SNX8: variants seen among roughly 807,000 people sequenced by gnomAD.
SNX8 encodes sorting nexin-8.
Under a neutral mutation model 51.6 loss-of-function variants are expected in SNX8, and 25 were observed. That is an observed-to-expected ratio of 0.48 (90% CI 0.35 to 0.68). The LOEUF is 0.68. SNX8 is among the 30% of genes least tolerant of loss of function. SNX8 has a pLI of 0.00. For synonymous variants in SNX8, 324 were observed against 277.0 expected, an observed-to-expected ratio of 1.17 and a Z score of -1.68; for missense variants, 695 against 624.0, an observed-to-expected ratio of 1.11 and a Z score of -1.21.
chr7:2,265,290 C>T (rs1795438129), intron 5 of SNX8, among the ~76,000 whole-genome samples: 1 of 151,964 alleles, frequency 6.6e-6, no homozygotes, highest in South Asian at 2.1e-4. Flanking sequence ...CAGTGAGCTG[C>T]GATCACACCA....
At chr7:2,332,296 C>T (rs1023229469) in intron 1 of SNX8, among the ~76,000 whole-genome samples, 1 of 151,434 alleles carries the variant, frequency 6.6e-6, no homozygotes, top group African/African-American at 2.4e-5. Flanking sequence ...CTAAAGATGA[C>T]AGATATTTAC....
At chr7:2,287,883 C>G (rs949963481) in intron 1 of SNX8, 1 of 151,358 alleles carries the variant, frequency 6.6e-6, no homozygotes, top group Non-Finnish European at 1.5e-5. Context: ...GCACTCCTGC[C>G]TGGGCGAGCA....
chr7:2,303,038 C>A (rs1796442721), intron 1 of SNX8, among the ~76,000 whole-genome samples: 1 of 151,478 alleles, frequency 6.6e-6, no homozygotes, highest in African/African-American at 2.4e-5. Context: ...AGGCCAGCCG[C>A]CCCGTCCAGG....
chr7:2,346,059 A>G (rs1045797275), intron 1 of SNX8, among the ~76,000 whole-genome samples: 1 of 152,100 alleles, frequency 6.6e-6, no homozygotes, highest in East Asian at 1.9e-4. Context: ...CTGCCTGCTC[A>G]GCCTCCCAAA....
chr7:2,284,084 C>G (rs565939395), intron 1 of SNX8, among the ~76,000 whole-genome samples: 1 of 152,164 alleles, frequency 6.6e-6, no homozygotes, highest in Admixed American at 6.6e-5. Flanking sequence ...CACCCGCCAC[C>G]ACGCCCGGCT....
chr7:2,352,042 A>G (rs902839928), intron 1 of SNX8, among the ~76,000 whole-genome samples: 6 of 150,494 alleles, frequency 4.0e-5, no homozygotes, highest in Non-Finnish European at 8.9e-5. Context: ...TGAGTAGCTG[A>G]GATTACAGGC....
At chr7:2,308,916 A>G (rs1796606753) in intron 1 of SNX8, among the ~76,000 whole-genome samples, 1 of 151,276 alleles carries the variant, frequency 6.6e-6, no homozygotes, top group African/African-American at 2.4e-5. Flanking sequence ...CAGCCTCCCG[A>G]GTAGCTGGGA....
intron 1 of SNX8, among the ~76,000 whole-genome samples, chr7:2,297,031 T>C (rs1010360891): frequency 3.9e-5 from 6 of 151,936 alleles, no homozygotes; most frequent in South Asian, 2.1e-4. Context: ...CACAATGAGA[T>C]AGTATCTTAC....
chr7:2,265,235 G>T (rs1795437111), intron 5 of SNX8, among the ~76,000 whole-genome samples: 1 of 152,194 alleles, frequency 6.6e-6, no homozygotes, highest in African/African-American at 2.4e-5. Context: ...AGCTACTTGG[G>T]AGGCTGAGGC....
At chr7:2,324,870 A>C (rs1480850558) in intron 1 of SNX8, among the ~76,000 whole-genome samples, 1 of 152,120 alleles carries the variant, frequency 6.6e-6, no homozygotes, top group African/African-American at 2.4e-5. Flanking sequence ...CAGTGGTAGG[A>C]TCATGGCTCA....
At chr7:2,303,627 T>G (rs1412819977) in intron 1 of SNX8, among the ~76,000 whole-genome samples, 1 of 152,226 alleles carries the variant, frequency 6.6e-6, no homozygotes, top group African/African-American at 2.4e-5. Context: ...TTCTTCTGCC[T>G]TGGGATCCTG....
At chr7:2,351,117 C>G (rs1233362953) in intron 1 of SNX8, among the ~76,000 whole-genome samples, 1 of 150,442 alleles carries the variant, frequency 6.6e-6, no homozygotes, top group Non-Finnish European at 1.5e-5. Context: ...GACCTTGTCT[C>G]AAAAACAAAA....
chr7:2,308,906 C>T (rs765614303), intron 1 of SNX8, among the ~76,000 whole-genome samples: 2 of 151,514 alleles, frequency 1.3e-5, no homozygotes, highest in Non-Finnish European at 2.9e-5. Context: ...TCTCCCACCT[C>T]AGCCTCCCGA....
At chr7:2,279,244 G>C (rs1201890688) in intron 1 of SNX8, among the ~76,000 whole-genome samples, 1 of 122,452 alleles carries the variant, frequency 8.2e-6, no homozygotes, top group Non-Finnish European at 1.7e-5. Context: ...GTCGACGCCG[G>C]ACTCACTCAC....
At chr7:2,293,928 T>C (rs1038002177) in intron 1 of SNX8, among the ~76,000 whole-genome samples, 7 of 151,076 alleles carry the variant, frequency 4.6e-5, no homozygotes, top group African/African-American at 1.7e-4. Flanking sequence ...ATCACACCAG[T>C]GCACTCCAGC....
chr7:2,304,829 C>G (rs775191498), intron 1 of SNX8, among the ~76,000 whole-genome samples: 24 of 152,168 alleles, frequency 1.6e-4, no homozygotes, highest in Non-Finnish European at 1.2e-4. Context: ...GTGCAAAACA[C>G]GGGCACTAAG....
intron 1 of SNX8, among the ~76,000 whole-genome samples, chr7:2,338,907 C>A (rs1200505781): frequency 6.6e-6 from 1 of 151,902 alleles, no homozygotes; most frequent in African/African-American, 2.4e-5. Flanking sequence ...CAAGACCTTG[C>A]CTCTATTTCT....
intron 1 of SNX8, among the ~76,000 whole-genome samples, chr7:2,327,353 C>CAG (rs1778640707): frequency 1.3e-5 from 2 of 152,048 alleles, no homozygotes; most frequent in African/African-American, 4.8e-5. Context: ...CATTCTCCTG[C>CAG]CTAAGCCTCC....
intron 1 of SNX8, among the ~76,000 whole-genome samples, chr7:2,327,136 G>A (rs929495442): frequency 3.3e-5 from 5 of 152,010 alleles, no homozygotes; most frequent in African/African-American, 1.2e-4. Context: ...GTCTCCTAGG[G>A]GGTTCCTGGT....
Sources: allele counts gnomAD v4.1 joint callset (sites outside exome capture counted in the v4.1 genomes callset), GRCh38; gene constraint gnomAD v4.1.1; transcripts MANE v1.5; gene names NCBI Gene and HGNC (gene_info 2026-07-23, HGNC 2026-07-21).